The following DST variants were observed in gnomAD, a reference collection of about 807,000 sequenced individuals.
DST encodes the protein bullous pemphigoid antigen.
A neutral mutation model predicts 875.2 loss-of-function variants in DST; 253 were observed. That is an observed-to-expected ratio of 0.29 (90% confidence interval 0.26 to 0.32). The LOEUF is 0.32. DST is among the 10% of genes least tolerant of loss of function. The probability of loss-of-function intolerance (pLI) is 1.00; values close to 1 mark genes in which losing one functional copy is unlikely to be tolerated. For synonymous variants in DST, 3,124 were observed against 3,197.1 expected, an observed-to-expected ratio of 0.98 and a Z score of 0.77; for missense variants, 8,287 against 9,111.6, an observed-to-expected ratio of 0.91 and a Z score of 3.68.
chr6:56,524,318 A>G (rs1260816416), intron 69 of DST, among the ~76,000 whole-genome samples: 2 of 152,156 alleles, frequency 1.3e-5, no homozygotes, highest in African/African-American at 2.4e-5. Flanking sequence ...TTAGTGTTGT[A>G]TCCTCATCCT....
intron 3 of DST, among the ~76,000 whole-genome samples, chr6:56,894,394 C>A (rs1789714157): frequency 1.1e-5 from 1 of 89,142 alleles, no homozygotes; most frequent in Non-Finnish European, 2.1e-5. Context: ...GGCGGCTGGC[C>A]GGGCAGAGGG....
chr6:56,858,493 G>T (rs1238983575), intron 3 of DST, among the ~76,000 whole-genome samples: 1 of 152,180 alleles, frequency 6.6e-6, no homozygotes, highest in Non-Finnish European at 1.5e-5. Context: ...TCTCTCACAG[G>T]TATACAAGGT....
chr6:56,613,178 GAGA>G (rs2098558915), intron 37 of DST, among the ~76,000 whole-genome samples: 1 of 152,102 alleles, frequency 6.6e-6, no homozygotes, highest in Admixed American at 6.6e-5. Flanking sequence ...AATGAGGGGG[GAGA>G]AGGATATTTT....
intron 23 of DST, among the ~76,000 whole-genome samples, chr6:56,636,255 TAC>T (rs1563355277): frequency 3.4e-5 from 5 of 147,748 alleles, no homozygotes; most frequent in Admixed American, 6.7e-5. Context: ...TATATATATA[TAC>T]ACACACACAC....
chr6:56,614,247 C>A, intron 37 of DST, 109 bp downstream of exon 37: 1 of 1,052,530 alleles, frequency 9.5e-7, no homozygotes, highest in Admixed American at 3.0e-5. Context: ...TGGGCTATAA[C>A]AATGGGAAAA....
intron 4 of DST, among the ~76,000 whole-genome samples, chr6:56,745,731 A>C (rs567226770): frequency 6.6e-6 from 1 of 152,350 alleles, no homozygotes; most frequent in East Asian, 1.9e-4. Context: ...AAATAGAGTA[A>C]TAACTCCTAT....
intron 4 of DST, among the ~76,000 whole-genome samples, chr6:56,759,807 C>A (rs2099613152): frequency 6.6e-6 from 1 of 152,164 alleles, no homozygotes; most frequent in Admixed American, 6.5e-5. Flanking sequence ...TCTCATTAAA[C>A]AGCTACTCCC....
Position 56,597,823 on chromosome 6 carries a change from T to C in DST, c.12112A>G (p.Asn4038Asp). ...KSAIGEEDEV[N>D]GNLLETDVDG... ...ACATCAGTCTCCAACAGGTTACCAT[T>C]AACTTCATCCTCTTCTCCAATTGCT... The change falls in exon 47 of 104, where the codon AAT becomes GAT. Residue 4038 changes from asparagine to aspartate, a missense_variant. Transcript: ENST00000680361. The C allele has an allele frequency of 6.2e-7, 1 of 1,613,956 alleles. No individual in the cohort carries two copies.
intron 4 of DST, among the ~76,000 whole-genome samples, chr6:56,827,381 G>A (rs2099781916): frequency 6.6e-6 from 1 of 151,946 alleles, no homozygotes; most frequent in East Asian, 1.9e-4. Flanking sequence ...AGGCGTGGTG[G>A]TGTGTGCCTG....
Position 56,572,932 on chromosome 6 carries a change from G to A in DST, c.13369C>T (p.Arg4457Trp), listed in dbSNP as rs544606192. The A allele has an allele frequency of 3.7e-5, 59 of 1,613,088 alleles. No individual in the cohort carries two copies. Among genetic ancestry groups the A allele is most frequent in the Non-Finnish European group, 4.4e-5 (52 of 1,179,596 alleles). The part of the protein sequence containing the change: ...LQAKMKDLSA[R>W]FSEASHKHKE... ...TGTTTATGACTTGCTTCTGAAAACC[G>A]AGCAGACAAGTCTTTCATTTTGGCT... Residue 4457 changes from arginine (R) to tryptophan (W), a missense_variant, in exon 52 of 104, where the codon CGG (arginine) becomes TGG (tryptophan). Physicochemically the swap from Arg to Trp is moderately radical, Grantham distance 101. Around this residue, in one of 10 missense-constraint regions of DST, gnomAD observed 1,513 missense variants for 1,677.8 expected, o/e 0.90. Transcript: ENST00000680361.
At chr6:56,561,592 A>G in intron 56 of DST, 43 bp from the exon 57 acceptor site, 1 of 1,569,150 alleles carries the variant, frequency 6.4e-7, no homozygotes, top group African/African-American at 1.4e-5. Context: ...TTTTCAGGAC[A>G]TTTGGAGCAG....
At chr6:56,581,496 A>G (rs74384006) in intron 49 of DST, among the ~76,000 whole-genome samples, 13,378 of 152,234 alleles carry the variant, frequency 0.088, 1,902 homozygotes, top group African/African-American at 0.3. Context: ...AATGAGTAGC[A>G]GTCCCCGCGT....
At chr6:56,866,397 C>T (rs562495439) in intron 3 of DST, among the ~76,000 whole-genome samples, 1 of 152,200 alleles carries the variant, frequency 6.6e-6, no homozygotes, top group Non-Finnish European at 1.5e-5. Context: ...TTGTCCTCAA[C>T]GATCTATTCT....
At chr6:56,485,227 T>C (rs968434376) in intron 88 of DST, 85 bp downstream of exon 88, 1 of 1,479,052 alleles carries the variant, frequency 6.8e-7, no homozygotes, top group Non-Finnish European at 9.4e-7. Flanking sequence ...CTTCTGATTT[T>C]AAAAGGCTAA....
At chr6:56,851,675 C>A in intron 3 of DST, 71 bp from the exon 4 acceptor site, 1 of 1,558,940 alleles carries the variant, frequency 6.4e-7, no homozygotes, top group East Asian at 2.4e-5. Flanking sequence ...TAAACATCTC[C>A]CCCACCAACC....
chr6:56,666,919 A>T (rs2152821614), intron 10 of DST, among the ~76,000 whole-genome samples: 1 of 152,034 alleles, frequency 6.6e-6, no homozygotes, highest in South Asian at 2.1e-4. Context: ...TTTAGTCTAA[A>T]GCTGTACTAA....
intron 4 of DST, among the ~76,000 whole-genome samples, chr6:56,808,259 A>C (rs1226039390): frequency 6.6e-6 from 1 of 152,170 alleles, no homozygotes; most frequent in Non-Finnish European, 1.5e-5. Context: ...TGTTTAAAAA[A>C]AAAAAACCAA....
intron 2 of DST, among the ~76,000 whole-genome samples, chr6:56,952,469 C>G (rs1822850717): frequency 6.6e-6 from 1 of 152,146 alleles, no homozygotes; most frequent in South Asian, 2.1e-4. Flanking sequence ...ATCTCATATT[C>G]AAAAATTGTT....
At chr6:56,787,422 C>T (rs2099707399) in intron 4 of DST, among the ~76,000 whole-genome samples, 1 of 152,124 alleles carries the variant, frequency 6.6e-6, no homozygotes, top group South Asian at 2.1e-4. Context: ...GGATTGAGTC[C>T]AACAAACTAG....
Sources: allele counts gnomAD v4.1 joint callset (sites outside exome capture counted in the v4.1 genomes callset), GRCh38; gene constraint gnomAD v4.1.1; regional missense constraint gnomAD v4.1.1; transcripts MANE v1.5; gene names NCBI Gene and HGNC (gene_info 2026-07-23, HGNC 2026-07-21).